KAT7: variants seen among roughly 807,000 people sequenced by gnomAD.
KAT7 encodes histone acetyltransferase KAT7.
In KAT7, 10 loss-of-function variants were observed where a neutral mutation model predicts 82.1. The observed-to-expected ratio is 0.12, with a 90% CI of 0.08 to 0.21. KAT7 has a LOEUF of 0.21. Ranked by LOEUF, KAT7 falls within the 10% of genes least tolerant of loss-of-function variation. The probability of loss-of-function intolerance (pLI) is 1.00; values close to 1 mark genes in which losing one functional copy is unlikely to be tolerated. For missense variants in KAT7, 378 were observed against 760.9 expected, an observed-to-expected ratio of 0.50 and a Z score of 5.92; for synonymous variants, 250 against 262.5, an observed-to-expected ratio of 0.95 and a Z score of 0.46.
At chr17:49,805,058 T>G (rs2074074750) in intron 4 of KAT7, among the ~76,000 whole-genome samples, 1 of 152,230 alleles carries the variant, frequency 6.6e-6, no homozygotes, top group African/African-American at 2.4e-5. Context: ...CTGTTCATAG[T>G]CTTGGGCTTT....
intron 5 of KAT7, among the ~76,000 whole-genome samples, chr17:49,808,662 G>A (rs2074123602): frequency 6.6e-6 from 1 of 151,982 alleles, no homozygotes; most frequent in South Asian, 2.1e-4. Flanking sequence ...ATGTTGGCCA[G>A]GCTGGTCTCA....
chr17:49,808,780 G>T (rs1278825654), intron 5 of KAT7, among the ~76,000 whole-genome samples: 2 of 152,040 alleles, frequency 1.3e-5, no homozygotes, highest in Non-Finnish European at 2.9e-5. Flanking sequence ...TGTTTTCTTT[G>T]TACTTCCATA....
At position 49,833,220 on chromosome 17, in the gene KAT7, C is replaced by T. The variant is rs1426777106; in HGVS notation, c.*5718C>T. 6.6e-6 allele frequency: 1 copy of T among 152,182 alleles called. No homozygotes were observed. The highest frequency in any genetic ancestry group is 2.4e-5 in the African/African-American group (1 of 41,432). The allele number at this position is 152,182 out of a possible 1,614,324, so 9.4% of individuals were successfully genotyped here. ...CCTGTACTATTGTACAACTCTGGCT[C>T]CATGGCTCCTCACAAATGTTCCATG... On this transcript the variant is annotated 3_prime_UTR_variant, in exon 15 of 15. Transcript: ENST00000259021.
intron 2 of KAT7, among the ~76,000 whole-genome samples, chr17:49,794,063 A>T (rs936882989): frequency 1.3e-5 from 2 of 152,234 alleles, no homozygotes; most frequent in Non-Finnish European, 2.9e-5. Context: ...GACTATGGAT[A>T]AATAGCTACT....
At chr17:49,822,679 AAAG>A (rs1425826903) in intron 11 of KAT7, among the ~76,000 whole-genome samples, 1 of 152,202 alleles carries the variant, frequency 6.6e-6, no homozygotes, top group Non-Finnish European at 1.5e-5. Context: ...ATTATCCTGA[AAAG>A]AAATTGATAG....
At position 49,791,870 on chromosome 17, in the gene KAT7, A is replaced by T. The variant is rs184417127; in HGVS notation, c.16-16A>T. Reference sequence around the variant, plus strand: ...CAAATGCTTCTGTGCTAATATCTGGATCTATGGTATTACAGAGGAATGCAG... The same window carrying T: ...CAAATGCTTCTGTGCTAATATCTGGTTCTATGGTATTACAGAGGAATGCAG... On this transcript the variant is annotated splice_polypyrimidine_tract_variant and intron_variant, in intron 1 of 14. Coordinates refer to ENST00000259021, the MANE Select transcript of KAT7 (RefSeq NM_007067.5). 1.6e-4 allele frequency: 257 copies of T among 1,612,938 alleles called. 1 individual carries two copies. The Middle Eastern group carries it at 2.0e-3, about 12-fold the overall frequency.
intron 6 of KAT7, among the ~76,000 whole-genome samples, chr17:49,811,150 C>T (rs2074159269): frequency 1.3e-5 from 2 of 151,256 alleles, no homozygotes; most frequent in East Asian, 1.9e-4. Flanking sequence ...GCTCTGTCTC[C>T]CAGGCTGGAG....
chr17:49,803,017 A>G (rs1462469783), intron 4 of KAT7, among the ~76,000 whole-genome samples: 1 of 152,112 alleles, frequency 6.6e-6, no homozygotes, highest in Non-Finnish European at 1.5e-5. Context: ...GGTGTGAGCC[A>G]CTGAGCCCAG....
At position 49,791,972 on chromosome 17, in the gene KAT7, C is replaced by T. The variant is rs1350387601; in HGVS notation, c.102C>T (p.Gly34=). 1.2e-5 allele frequency: 19 copies of T among 1,614,022 alleles called. No homozygotes were observed. The highest frequency in any genetic ancestry group is 1.7e-5 in the Admixed American group (1 of 60,006). ...LEHTDSSESD[G]TSRRSARVTR... ...ACACAGACAGTTCAGAAAGTGATGGCACATCCCGACGATCTGCTCGAGTCA... is the reference window on the plus strand; with the variant it reads ...ACACAGACAGTTCAGAAAGTGATGGTACATCCCGACGATCTGCTCGAGTCA... Residue 34 remains glycine, a synonymous_variant, in exon 2 of 15, where the codon GGC becomes GGT. Transcript: ENST00000259021.
Position 49,821,187 on chromosome 17 carries a change from A to G in KAT7, c.1156-150A>G, listed in dbSNP as rs1598086205. 1.0e-5 allele frequency: 6 copies of G among 587,878 alleles called. No individual in the cohort carries two copies. The East Asian group carries it at 1.5e-4, about 14-fold the overall frequency. 36.4% of individuals were successfully genotyped at this position (587,878 alleles called of 1,614,324 possible). A position where few individuals can be genotyped will look rare whatever the true frequency, so the allele number is the denominator to read the frequency against. Reference sequence around the variant, plus strand: ...CTTTGGAAGCCTTTGTTTTATGGAAATAAAATCTCTGTTTTGCTGTATGTT... The same window carrying G: ...CTTTGGAAGCCTTTGTTTTATGGAAGTAAAATCTCTGTTTTGCTGTATGTT... On this transcript the variant is annotated intron_variant, in intron 9 of 14. Coordinates refer to ENST00000259021, the MANE Select transcript of KAT7 (RefSeq NM_007067.5).
chr17:49,811,402 G>A (rs2074163447), intron 6 of KAT7, 74 bp from the exon 7 acceptor site: 15 of 724,702 alleles, frequency 2.1e-5, no homozygotes, highest in Admixed American at 2.9e-5. Context: ...CTACTGTGCC[G>A]GGCCTTGGCA....
intron 4 of KAT7, among the ~76,000 whole-genome samples, chr17:49,801,926 C>T (rs556474881): frequency 1.3e-5 from 2 of 152,194 alleles, no homozygotes; most frequent in African/African-American, 4.8e-5. Flanking sequence ...GCCACAGATA[C>T]AAAACTTCTG....
At chr17:49,793,622 G>A (rs1299950994) in intron 2 of KAT7, among the ~76,000 whole-genome samples, 6 of 149,572 alleles carry the variant, frequency 4.0e-5, no homozygotes, top group East Asian at 2.0e-4. Context: ...GTTGCCAGGC[G>A]GAGTGCAGTG....
chr17:49,808,153 G>A lies in KAT7; in HGVS notation c.664-966G>A, dbSNP rs74765049. 4.4e-4 allele frequency among the ~76,000 whole-genome samples: 55 copies of A among 125,306 alleles called. 1 individual carries two copies. Among genetic ancestry groups the A allele is most frequent in the South Asian group, 2.4e-4 (1 of 4,108 alleles). The allele number at this position is 125,306 out of a possible 152,430, so 82.2% of individuals were successfully genotyped here. A position where few individuals can be genotyped will look rare whatever the true frequency, so the allele number is the denominator to read the frequency against. ...TTTTTTTTTTTTTTGAGACAGTCTCGCTCTGTCACCCAGGCTGGAGTGCAT... is the reference window on the plus strand; with the variant it reads ...TTTTTTTTTTTTTTGAGACAGTCTCACTCTGTCACCCAGGCTGGAGTGCAT... On this transcript the variant is annotated intron_variant, in intron 5 of 14. Coordinates refer to ENST00000259021, the MANE Select transcript of KAT7 (RefSeq NM_007067.5).
intron 5 of KAT7, 29 bp downstream of exon 5, chr17:49,805,474 T>G (rs1457681118): frequency 6.6e-7 from 1 of 1,525,522 alleles, no homozygotes; most frequent in Non-Finnish European, 9.1e-7. Flanking sequence ...ATTCAACACA[T>G]GCTTATTGAG....
chr17:49,800,281 G>T (rs2074008780), intron 4 of KAT7, among the ~76,000 whole-genome samples: 1 of 152,164 alleles, frequency 6.6e-6, no homozygotes. Context: ...AAAGTGCTGG[G>T]ATTACAGGCA....
At chr17:49,818,065 T>G (rs1042272417) in intron 9 of KAT7, 54 bp downstream of exon 9, 4 of 1,470,842 alleles carry the variant, frequency 2.7e-6, no homozygotes, top group Non-Finnish European at 3.8e-6. Flanking sequence ...AGCTGTAGGA[T>G]CTCTAGATTT....
In KAT7 at chr17:49,798,606, T is replaced by G. The variant is rs1039582393; in HGVS notation, c.580+48T>G. On this transcript the variant is annotated intron_variant, in intron 4 of 14. Coordinates refer to ENST00000259021, the MANE Select transcript of KAT7 (RefSeq NM_007067.5). ...ACATCCTTTGTTCTGTGGTTCTCTC[T>G]CCCAGGATCATCCAGAAATGTTTTG... The G allele has an allele frequency of 3.9e-6, 6 of 1,540,078 alleles. No individual in the cohort carries two copies. The African/African-American group carries it at 8.3e-5, about 21-fold the overall frequency.
At position 49,792,048 on chromosome 17, in the gene KAT7, A is replaced by C; in HGVS notation, c.163+15A>C. On this transcript the variant is annotated intron_variant, in intron 2 of 14. Transcript: ENST00000259021. Reference sequence around the variant, plus strand: ...GAGTTCTCAAGGTAAAAAAACCTTCATTTTTCCTTACCACTCCTCACATCT... The same window carrying C: ...GAGTTCTCAAGGTAAAAAAACCTTCCTTTTTCCTTACCACTCCTCACATCT... The C allele has an allele frequency of 1.9e-6, 3 of 1,611,046 alleles. No homozygotes were observed. Among genetic ancestry groups the C allele is most frequent in the Non-Finnish European group, 2.5e-6 (3 of 1,178,186 alleles).
Sources: allele counts gnomAD v4.1 joint callset (sites outside exome capture counted in the v4.1 genomes callset), GRCh38; gene constraint gnomAD v4.1.1; transcripts MANE v1.5; gene names NCBI Gene and HGNC (gene_info 2026-07-23, HGNC 2026-07-21).